Variants in ERICH3 observed in about 807,000 individuals in gnomAD.
ERICH3 encodes the protein glutamate-rich protein 3.
In ERICH3, 126 loss-of-function variants were observed where a neutral mutation model predicts 131.1. That is an observed-to-expected ratio of 0.96 (90% CI 0.83 to 1.11). The LOEUF (loss-of-function observed/expected upper bound fraction) is 1.11, where lower values mean the gene tolerates loss of function less well. Among genes scored for constraint, ERICH3 ranks in the 50% most tolerant of loss-of-function variants. The pLI, the probability that ERICH3 is intolerant of heterozygous loss-of-function variation, is 0.00. For missense variants in ERICH3, 2,050 were observed against 1,810.7 expected, an observed-to-expected ratio of 1.13 and a Z score of -2.40; for synonymous variants, 695 against 644.6, an observed-to-expected ratio of 1.08 and a Z score of -1.18.
chr1:74,588,446 G>A (rs972761392), intron 12 of ERICH3, among the ~76,000 whole-genome samples: 1 of 152,086 alleles, frequency 6.6e-6, no homozygotes, highest in Admixed American at 6.6e-5. Flanking sequence ...ATTGGTTGAA[G>A]TAATAGATAA....
chr1:74,577,065 G>T (rs1570803522), intron 12 of ERICH3, 129 bp from the exon 13 acceptor site: 3 of 708,546 alleles, frequency 4.2e-6, no homozygotes, highest in African/African-American at 3.6e-5. Context: ...TGGGAGGCAG[G>T]CTATTGAAAG....
chr1:74,655,562 C>A (rs116117372), intron 1 of ERICH3, among the ~76,000 whole-genome samples: 3 of 152,138 alleles, frequency 2.0e-5, no homozygotes, highest in Non-Finnish European at 4.4e-5. Flanking sequence ...ATTTAGGGAC[C>A]TTTGTGATTA....
chr1:74,600,708 T>C (rs1648088410), intron 10 of ERICH3, among the ~76,000 whole-genome samples: 1 of 151,888 alleles, frequency 6.6e-6, no homozygotes, highest in Non-Finnish European at 1.5e-5. Context: ...TCACCTTTCA[T>C]ATTTAACTGT....
rs762258316 is a variant in ERICH3 at position 74,572,085 on chromosome 1, G to T, written c.3625C>A (p.Arg1209Ser). ...GCTAAGGCCCCCTCTCCATCTTGGC[G>T]GTGCCCTTCCTTCAGGGCCCTATTC... ...RENRALKEGHRQDGEGALAAP... is the reference protein window; with the variant it reads ...RENRALKEGHSQDGEGALAAP... Residue 1209 changes from arginine to serine, a missense_variant, in exon 14 of 15, where the codon CGC (arginine) becomes AGC (serine). Physicochemically the swap from Arg to Ser is moderately radical, Grantham distance 110 (BLOSUM62 -1). Transcript: ENST00000326665. 6.2e-7 allele frequency: 1 copy of T among 1,614,172 alleles called. No individual in the cohort carries two copies.
In ERICH3 at chr1:74,636,317, GT is replaced by G; in HGVS notation, c.565del (p.Thr189ProfsTer18). On this transcript the variant is annotated frameshift_variant, in exon 6 of 15. Coordinates refer to ENST00000326665, the MANE Select transcript of ERICH3 (RefSeq NM_001002912.5). LOFTEE classifies it high-confidence loss of function. Reference protein sequence around the residue: ...PKVTSRSRSKTSLLENEALFP... With the variant: ...PKVTSRSRSKXSLLENEALFP... Reference sequence around the variant, plus strand: ...CAGAGCTTCATTTTCCAGCAATGAGGTTTTTGATCTGGACCTTGAAGTTACC... The same window carrying G: ...CAGAGCTTCATTTTCCAGCAATGAGGTTTTGATCTGGACCTTGAAGTTACC... 2 of 1,610,478 alleles carry G rather than the reference GT, an allele frequency of 1.2e-6. No individual in the cohort carries two copies. The highest frequency in any genetic ancestry group is 1.7e-6 in the Non-Finnish European group (2 of 1,177,830).
chr1:74,668,389 T>A (rs1646711073), intron 1 of ERICH3, among the ~76,000 whole-genome samples: 1 of 152,182 alleles, frequency 6.6e-6, no homozygotes, highest in Non-Finnish European at 1.5e-5. Context: ...CAATTTGAAG[T>A]ATTGCACAGG....
chr1:74,646,339 G>C (rs1284382480), intron 3 of ERICH3, among the ~76,000 whole-genome samples: 1 of 152,034 alleles, frequency 6.6e-6, no homozygotes, highest in Non-Finnish European at 1.5e-5. Context: ...TTTTAGAGTA[G>C]CCATTGTAAA....
At position 74,576,938 on chromosome 1, in the gene ERICH3, T is replaced by C. The variant is rs1367739058; in HGVS notation, c.2177-2A>G. The C allele has an allele frequency of 6.3e-7, 1 of 1,583,288 alleles. No homozygotes were observed. Among genetic ancestry groups the C allele is most frequent in the Non-Finnish European group, 8.6e-7 (1 of 1,168,808 alleles). ...AGGCTAATGGCAATGAATCCTTTCC[T>C]AGTTAAAAAAAAAAAAAAGAAAAAA... On this transcript the variant is annotated splice_acceptor_variant, in intron 12 of 14. Transcript: ENST00000326665. LOFTEE classifies it high-confidence loss of function.
intron 1 of ERICH3, among the ~76,000 whole-genome samples, chr1:74,661,917 C>A (rs1246045412): frequency 6.6e-6 from 1 of 152,084 alleles, no homozygotes; most frequent in Non-Finnish European, 1.5e-5. Flanking sequence ...TTGCACTGGA[C>A]ATTGATTTTT....
At chr1:74,620,033 T>A (rs1396790567) in intron 8 of ERICH3, among the ~76,000 whole-genome samples, 1 of 152,202 alleles carries the variant, frequency 6.6e-6, no homozygotes, top group East Asian at 1.9e-4. Flanking sequence ...ATACGTATAT[T>A]TCTTTTAATT....
At chr1:74,593,294 T>G (rs1456123890) in intron 11 of ERICH3, among the ~76,000 whole-genome samples, 1 of 152,158 alleles carries the variant, frequency 6.6e-6, no homozygotes, top group Non-Finnish European at 1.5e-5. Flanking sequence ...TTGGCATCAC[T>G]ATAATTAAAA....
Position 74,612,676 on chromosome 1 carries a change from G to A in ERICH3, c.1134C>T (p.Gly378=). 6.3e-7 allele frequency: 1 copy of A among 1,592,950 alleles called. No homozygotes were observed. The highest frequency in any genetic ancestry group is 1.1e-5 in the South Asian group (1 of 88,820). ...ACACAAACCCAAAGTAGCCTCGTTT[G>A]CCTCCAAGCCTGGAACCTTTCCGAT... ...YKHRKGSRLG[G]KRGYFGFVCV... is the part of the protein sequence containing the mutation. Residue 378 remains glycine (G), a synonymous_variant, in exon 9 of 15, where the codon GGC becomes GGT. Coordinates refer to ENST00000326665, the MANE Select transcript of ERICH3 (RefSeq NM_001002912.5).
rs545616232 is a variant in ERICH3 at position 74,579,978 on chromosome 1, C to T, written c.2177-3042G>A. On this transcript the variant is annotated intron_variant, in intron 12 of 14. Coordinates refer to ENST00000326665, the MANE Select transcript of ERICH3 (RefSeq NM_001002912.5). ...GTATTTTTTTAAATATCAAAATATT[C>T]TTATTTTACAATGTCAGCTTTTTAG... 1.1e-5 allele frequency: 8 copies of T among 757,582 alleles called. No homozygotes were observed. In the East Asian group the frequency reaches 5.2e-4, roughly 50 times the overall value. 46.9% of individuals were successfully genotyped at this position (757,582 alleles called of 1,614,324 possible). A position where few individuals can be genotyped will look rare whatever the true frequency, so the allele number is the denominator to read the frequency against.
chr1:74,603,950 C>A (rs188135701), intron 10 of ERICH3, among the ~76,000 whole-genome samples: 3 of 151,918 alleles, frequency 2.0e-5, no homozygotes, highest in Admixed American at 6.6e-5. Context: ...ATAAAGTTTG[C>A]CACATCTATT....
intron 11 of ERICH3, among the ~76,000 whole-genome samples, chr1:74,596,248 T>C (rs965454631): frequency 3.3e-5 from 5 of 152,062 alleles, no homozygotes; most frequent in African/African-American, 1.2e-4. Context: ...GAGAAGTCTC[T>C]TCTCTGTCTC....
intron 1 of ERICH3, among the ~76,000 whole-genome samples, chr1:74,652,250 A>G (rs1313303763): frequency 6.6e-6 from 1 of 151,768 alleles, no homozygotes; most frequent in Admixed American, 6.6e-5. Context: ...AAAATGGTCA[A>G]TTCAAGCATT....
Position 74,612,517 on chromosome 1 carries a change from T to C in ERICH3, c.1187+106A>G, listed in dbSNP as rs1282188879. 6 of 999,006 alleles carry C rather than the reference T, an allele frequency of 6.0e-6. No individual in the cohort carries two copies. The African/African-American group carries it at 9.7e-5, about 16-fold the overall frequency. The allele number at this position is 999,006 out of a possible 1,614,324, so 61.9% of individuals were successfully genotyped here. On this transcript the variant is annotated intron_variant, in intron 9 of 14. Coordinates refer to ENST00000326665, the MANE Select transcript of ERICH3 (RefSeq NM_001002912.5). ...TGAACCTAGATATTGTAGGCCCATC[T>C]ATACTGAATTTCCTTAATAATTGTG...
chr1:74,574,641 T>C (rs1647018774), intron 13 of ERICH3, among the ~76,000 whole-genome samples: 1 of 152,180 alleles, frequency 6.6e-6, no homozygotes, highest in South Asian at 2.1e-4. Flanking sequence ...CTTCTTAGAG[T>C]ACAAGTGTTC....
intron 6 of ERICH3, among the ~76,000 whole-genome samples, chr1:74,636,027 T>C (rs954126325): frequency 6.6e-6 from 1 of 152,222 alleles, no homozygotes; most frequent in African/African-American, 2.4e-5. Context: ...CAATCAGCCT[T>C]GTAAACTAAG....
Sources: gnomAD v4.1 joint callset for allele counts (sites outside exome capture counted in the v4.1 genomes callset) on GRCh38, gnomAD v4.1.1 for gene constraint, MANE v1.5 for transcripts, NCBI Gene and HGNC (gene_info 2026-07-23, HGNC 2026-07-21) for gene names.